Variants in CCDC33 observed in about 807,000 individuals in gnomAD.
CCDC33 encodes the protein coiled-coil domain-containing protein 33.
CCDC33 carries 94 observed loss-of-function variants against 91.9 expected under a neutral mutation model. That is an observed-to-expected ratio of 1.02 (90% CI 0.87 to 1.21). The LOEUF is 1.21. Among genes scored for constraint, CCDC33 ranks in the 50% most tolerant of loss-of-function variants. The pLI is 0.00. For synonymous variants in CCDC33, 396 were observed against 374.5 expected (o/e 1.06, Z -0.66); for missense variants, 940 against 935.5 (o/e 1.00, Z -0.06).
intron 11 of CCDC33, among the ~76,000 whole-genome samples, chr15:74,318,965 G>C (rs1472903932): frequency 6.6e-6 from 1 of 151,258 alleles, no homozygotes; most frequent in Non-Finnish European, 1.5e-5. Context: ...CCCTACCTCT[G>C]GTGTCTTGGA....
At chr15:74,239,176 C>A (rs964668360) in intron 1 of CCDC33, among the ~76,000 whole-genome samples, 1 of 152,058 alleles carries the variant, frequency 6.6e-6, no homozygotes, top group Non-Finnish European at 1.5e-5. Context: ...TTCAGACACA[C>A]GGCCCTTCTA....
chr15:74,265,473 G>A (rs2142391268), intron 3 of CCDC33, among the ~76,000 whole-genome samples: 1 of 152,102 alleles, frequency 6.6e-6, no homozygotes, highest in African/African-American at 2.4e-5. Flanking sequence ...TGCCTCAAGT[G>A]TCACCAAATT....
chr15:74,313,390 C>G (rs2142757623), intron 11 of CCDC33, among the ~76,000 whole-genome samples: 1 of 151,398 alleles, frequency 6.6e-6, no homozygotes, highest in Admixed American at 6.6e-5. Context: ...CCAACCCCAG[C>G]ACAGATTTCT....
intron 7 of CCDC33, among the ~76,000 whole-genome samples, chr15:74,277,461 C>A (rs1275827478): frequency 6.6e-6 from 1 of 152,246 alleles, no homozygotes; most frequent in Admixed American, 6.5e-5. Flanking sequence ...GCAGGTCTGC[C>A]TCCATGGCTG....
At chr15:74,293,873 A>ACTCCCC (rs2059630725) in intron 10 of CCDC33, among the ~76,000 whole-genome samples, 1 of 152,152 alleles carries the variant, frequency 6.6e-6, no homozygotes, top group African/African-American at 2.4e-5. Flanking sequence ...GACTTAGCCA[A>ACTCCCC]ATGCCTCTGT....
Position 74,334,594 on chromosome 15 carries a change from C to T in CCDC33, c.2026-381C>T, listed in dbSNP as rs574808632. Reference sequence around the variant, plus strand: ...ACCAGGGTCAGGGTTCCGTGTACAACGAGGTTAGGGTTCTGTGTATGACCA... The same window carrying T: ...ACCAGGGTCAGGGTTCCGTGTACAATGAGGTTAGGGTTCTGTGTATGACCA... On this transcript the variant is annotated intron_variant, in intron 17 of 18. Coordinates refer to ENST00000398814, the MANE Select transcript of CCDC33 (RefSeq NM_025055.5). Among the ~76,000 whole-genome samples, 8 of 151,962 alleles carry T rather than the reference C, an allele frequency of 5.3e-5. No homozygotes were observed. The East Asian group carries it at 7.7e-4, about 15-fold the overall frequency.
Position 74,244,089 on chromosome 15 carries a change from T to C in CCDC33, c.126T>C (p.His42=), listed in dbSNP as rs759805506. ...AGGAGACCATCATGGTCACCCTCCA[T>C]GGGGCTACCAACCTGCCTGCCTGCA... The part of the protein sequence containing the change: ...SKKETIMVTL[H]GATNLPACKD... Residue 42 remains histidine, a synonymous_variant, in exon 2 of 19, where the codon CAT becomes CAC. Coordinates refer to ENST00000398814, the MANE Select transcript of CCDC33 (RefSeq NM_025055.5). The surrounding 1 kb of genome is among the most constrained non-coding windows in gnomAD (Gnocchi z 4.2). 6.2e-7 allele frequency: 1 copy of C among 1,613,922 alleles called. No individual in the cohort carries two copies. Among genetic ancestry groups the C allele is most frequent in the Non-Finnish European group, 8.5e-7 (1 of 1,179,914 alleles).
chr15:74,222,613 G>A (rs978030982), intron 2 of CCDC33, among the ~76,000 whole-genome samples: 1 of 149,260 alleles, frequency 6.7e-6, no homozygotes, highest in African/African-American at 2.5e-5. Context: ...AGCTAATAAA[G>A]CAATCACCAA....
intron 11 of CCDC33, chr15:74,318,583 A>G (rs763579049): frequency 2.7e-6 from 2 of 730,492 alleles, no homozygotes; most frequent in Non-Finnish European, 2.5e-6. Flanking sequence ...GACTGCTAGC[A>G]GTAAAGATGG....
chr15:74,297,362 C>T (rs575146458), intron 11 of CCDC33, among the ~76,000 whole-genome samples: 37 of 152,330 alleles, frequency 2.4e-4, no homozygotes, highest in Non-Finnish European at 4.1e-4. Context: ...ATCCTGGCCT[C>T]GTGGTTCCCC....
chr15:74,288,341 G>C (rs1402339730), intron 10 of CCDC33, among the ~76,000 whole-genome samples: 8 of 152,152 alleles, frequency 5.3e-5, no homozygotes. Flanking sequence ...CCTCTTTGTA[G>C]CACTTGGTTT....
intron 2 of CCDC33, chr15:74,221,137 C>A: frequency 1.1e-6 from 1 of 901,836 alleles, no homozygotes. Context: ...TCAGGCATTT[C>A]AACAATTGAA....
intron 1 of CCDC33, among the ~76,000 whole-genome samples, chr15:74,239,316 C>T (rs1037986590): frequency 2.0e-5 from 3 of 152,154 alleles, no homozygotes; most frequent in South Asian, 4.1e-4. Flanking sequence ...CCAACCCACC[C>T]GCGGGAGCTG....
upstream of CCDC33, among the ~76,000 whole-genome samples, chr15:74,215,860 A>C (rs1360066262): frequency 2.0e-5 from 3 of 150,176 alleles, no homozygotes; most frequent in Non-Finnish European, 3.0e-5. Context: ...AACAAGAGCA[A>C]AACTCGATCT....
Position 74,268,285 on chromosome 15 carries a change from A to G in CCDC33, c.430-57A>G, listed in dbSNP as rs980768126. ...GCAGAGGGCTGGATTTATGGCCAGG[A>G]TCTGCCCCTTAGACACTCTCCTTCC... On this transcript the variant is annotated intron_variant, in intron 4 of 18. Coordinates refer to ENST00000398814, the MANE Select transcript of CCDC33 (RefSeq NM_025055.5). 3.2e-6 allele frequency: 4 copies of G among 1,246,286 alleles called. No individual in the cohort carries two copies. The South Asian group carries it at 3.6e-5, about 11-fold the overall frequency. 77.2% of individuals were successfully genotyped at this position (1,246,286 alleles called of 1,614,324 possible).
At chr15:74,222,242 G>A (rs146435145) in intron 2 of CCDC33, among the ~76,000 whole-genome samples, 58 of 152,320 alleles carry the variant, frequency 3.8e-4, no homozygotes, top group African/African-American at 1.4e-3. Context: ...TGGCATAGCT[G>A]TTCAAGAGGG....
At chr15:74,282,798 G>C (rs2059394577) in intron 10 of CCDC33, among the ~76,000 whole-genome samples, 1 of 152,124 alleles carries the variant, frequency 6.6e-6, no homozygotes, top group Admixed American at 6.6e-5. Flanking sequence ...AGCTACACCT[G>C]GTCTCAGCCC....
At chr15:74,284,642 T>C (rs992127966) in intron 10 of CCDC33, among the ~76,000 whole-genome samples, 1 of 151,316 alleles carries the variant, frequency 6.6e-6, no homozygotes, top group Non-Finnish European at 1.5e-5. Flanking sequence ...TAGCAGGGAG[T>C]ATGGAACAGA....
At position 74,281,852 on chromosome 15, in the gene CCDC33, A is replaced by G. The variant is rs1596020586; in HGVS notation, c.1095+3A>G. 10 of 1,613,636 alleles carry G rather than the reference A, an allele frequency of 6.2e-6. No homozygotes were observed. Among genetic ancestry groups the G allele is most frequent in the Non-Finnish European group, 7.6e-6 (9 of 1,179,644 alleles). ...CCTTCCAGCTGCTTTCCTCTGAGGTAAGGCTGTGGGCCAGGGGAGGGTCAG... is the reference window on the plus strand; with the variant it reads ...CCTTCCAGCTGCTTTCCTCTGAGGTGAGGCTGTGGGCCAGGGGAGGGTCAG... On this transcript the variant is annotated splice_donor_region_variant and intron_variant, in intron 10 of 18. Coordinates refer to ENST00000398814, the MANE Select transcript of CCDC33 (RefSeq NM_025055.5).
Sources: gnomAD v4.1 joint callset for allele counts (sites outside exome capture counted in the v4.1 genomes callset) on GRCh38, gnomAD v4.1.1 for gene constraint, Gnocchi (gnomAD v3.1) non-coding constraint, MANE v1.5 for transcripts, NCBI Gene and HGNC (gene_info 2026-07-23, HGNC 2026-07-21) for gene names.